CCDC110: variants seen among roughly 807,000 people sequenced by gnomAD.
CCDC110 encodes coiled-coil domain containing 110.
CCDC110 carries 70 observed loss-of-function variants against 77.1 expected under a neutral mutation model. The ratio of observed to expected loss-of-function variants is 0.91; its 90% CI spans 0.75 to 1.11. The LOEUF is 1.11. CCDC110 is among the 50% of genes least tolerant of loss of function. The probability of loss-of-function intolerance (pLI) is 0.00; values close to 1 mark genes in which losing one functional copy is unlikely to be tolerated. For missense variants in CCDC110, 868 were observed against 942.9 expected (o/e 0.92, Z 1.04); for synonymous variants, 295 against 312.5 (o/e 0.94, Z 0.59).
In CCDC110 at chr4:185,462,628, T is replaced by G. The variant is rs1217485701; in HGVS notation, c.237+15A>C. ...CAAGGTGAGATATTTCATATATAGA[T>G]CAAAAGAAACATACCATGCTGACAT... On this transcript the variant is annotated intron_variant, in intron 4 of 6. Coordinates refer to ENST00000307588, the MANE Select transcript of CCDC110 (RefSeq NM_152775.4). 6.2e-7 allele frequency: 1 copy of G among 1,601,584 alleles called. No homozygotes were observed. Among genetic ancestry groups the G allele is most frequent in the Non-Finnish European group, 8.6e-7 (1 of 1,168,610 alleles).
chr4:185,450,037 T>C (rs2095626428), intron 6 of CCDC110, among the ~76,000 whole-genome samples: 1 of 152,168 alleles, frequency 6.6e-6, no homozygotes, highest in African/African-American at 2.4e-5. Flanking sequence ...TATTGAAAAT[T>C]GGATTGATAG....
At chr4:185,445,622 G>A in intron 6 of CCDC110, 80 bp from the exon 7 acceptor site, 1 of 933,030 alleles carries the variant, frequency 1.1e-6, no homozygotes, top group South Asian at 1.7e-5. Context: ...TATTATCAAG[G>A]TATCTTAAAA....
intron 2 of CCDC110, among the ~76,000 whole-genome samples, chr4:185,469,680 G>C (rs1462947778): frequency 6.6e-6 from 1 of 152,220 alleles, no homozygotes; most frequent in Admixed American, 6.5e-5. Context: ...GCGGAGAGGG[G>C]ACTGGCCAGT....
intron 2 of CCDC110, among the ~76,000 whole-genome samples, chr4:185,463,692 C>G (rs922321828): frequency 2.0e-5 from 3 of 152,208 alleles, no homozygotes; most frequent in African/African-American, 7.2e-5. Flanking sequence ...GCTTCAGACT[C>G]AGTGTGTACT....
At chr4:185,471,592 C>T (rs750800040) in intron 1 of CCDC110, 82 bp downstream of exon 1, 42 of 1,458,768 alleles carry the variant, frequency 2.9e-5, no homozygotes, top group Non-Finnish European at 3.5e-5. Flanking sequence ...GGTTTTCGAG[C>T]GGGGAGCCGC....
In CCDC110 at chr4:185,459,637, GCCTCTAATT is replaced by G; in HGVS notation, c.941_949del (p.Glu314_Glu316del). 1 of 1,611,834 alleles carries G rather than the reference GCCTCTAATT, an allele frequency of 6.2e-7. No individual in the cohort carries two copies. Among genetic ancestry groups the G allele is most frequent in the South Asian group, 1.1e-5 (1 of 90,500 alleles). On this transcript the variant is annotated inframe_deletion, in exon 6 of 7. Coordinates refer to ENST00000307588, the MANE Select transcript of CCDC110 (RefSeq NM_152775.4). The stretch of plus-strand genomic sequence containing the variant: ...GAAGGGGAGTAATTTCTTCACTAAT[GCCTCTAATT>G]CTGAAATTCTCTTTGATTTTATATC...
chr4:185,449,637 C>G (rs1463619996), intron 6 of CCDC110: 1 of 1,537,504 alleles, frequency 6.5e-7, no homozygotes, highest in African/African-American at 1.4e-5. Context: ...TCAGTACCAT[C>G]CTATTAGCAA....
chr4:185,462,595 T>A lies in CCDC110; in HGVS notation c.237+48A>T, dbSNP rs376649744. On this transcript the variant is annotated intron_variant, in intron 4 of 6. Coordinates refer to ENST00000307588, the MANE Select transcript of CCDC110 (RefSeq NM_152775.4). ...GTGACCATCAGCTTAGAAGATGGGA[T>A]GATACTTCAAGGTGAGATATTTCAT... 35 of 1,413,106 alleles carry A rather than the reference T, an allele frequency of 2.5e-5. No individual in the cohort carries two copies. In the African/African-American group the frequency reaches 3.4e-4, roughly 14 times the overall value. 87.5% of individuals were successfully genotyped at this position (1,413,106 alleles called of 1,614,324 possible). A position where few individuals can be genotyped will look rare whatever the true frequency, so the allele number is the denominator to read the frequency against.
intron 6 of CCDC110, among the ~76,000 whole-genome samples, chr4:185,446,965 C>T (rs1421310963): frequency 6.6e-6 from 1 of 152,000 alleles, no homozygotes; most frequent in Non-Finnish European, 1.5e-5. Flanking sequence ...AATACATGTA[C>T]TTTCTTTTAA....
chr4:185,447,786 C>T (rs2153315445), intron 6 of CCDC110, among the ~76,000 whole-genome samples: 1 of 152,294 alleles, frequency 6.6e-6, no homozygotes, highest in South Asian at 2.1e-4. Flanking sequence ...ACCCCCCAAA[C>T]TCTAATACTA....
At chr4:185,449,633 C>G (rs1024402975) in intron 6 of CCDC110, 12 of 1,539,614 alleles carry the variant, frequency 7.8e-6, no homozygotes, top group Non-Finnish European at 1.1e-5. Context: ...TTCTTCAGTA[C>G]CATCCTATTA....
Position 185,471,697 on chromosome 4 carries a change from C to T in CCDC110, c.-14G>A. The T allele has an allele frequency of 6.5e-7, 1 of 1,544,098 alleles. No individual in the cohort carries two copies. The highest frequency in any genetic ancestry group is 1.2e-5 in the South Asian group (1 of 81,982). On this transcript the variant is annotated 5_prime_UTR_variant, in exon 1 of 7. Coordinates refer to ENST00000307588, the MANE Select transcript of CCDC110 (RefSeq NM_152775.4). The stretch of plus-strand genomic sequence containing the variant: ...ACCCGGGCTCATCGCCGCGGCTCAT[C>T]TCTCTCGCAACCGCCGCCGCACGCA...
At chr4:185,467,828 T>A (rs947576145) in intron 2 of CCDC110, among the ~76,000 whole-genome samples, 1 of 152,170 alleles carries the variant, frequency 6.6e-6, no homozygotes, top group African/African-American at 2.4e-5. Flanking sequence ...GCTTTGTAAT[T>A]CTTAGTTTCT....
chr4:185,445,880 T>C (rs1033200141), intron 6 of CCDC110, among the ~76,000 whole-genome samples: 3 of 152,154 alleles, frequency 2.0e-5, no homozygotes, highest in African/African-American at 7.2e-5. Context: ...TCGCTCTTAT[T>C]GCCCAGGCTG....
chr4:185,449,684 G>C, intron 6 of CCDC110: 1 of 1,345,352 alleles, frequency 7.4e-7, no homozygotes, highest in Non-Finnish European at 1.0e-6. Context: ...TTAACTATGA[G>C]TAATTCACTA....
At chr4:185,467,413 T>C (rs7661801) in intron 2 of CCDC110, among the ~76,000 whole-genome samples, 60,779 of 152,074 alleles carry the variant, frequency 0.4, 12,653 homozygotes, top group African/African-American at 0.51. Context: ...ATTCTAGAAT[T>C]GGAAGGGAAA....
intron 2 of CCDC110, chr4:185,470,563 A>G (rs2095664117): frequency 2.4e-6 from 1 of 420,848 alleles, no homozygotes; most frequent in African/African-American, 2.0e-5. Flanking sequence ...GTGTCCAAAA[A>G]ACTCAACAAT....
intron 6 of CCDC110, among the ~76,000 whole-genome samples, chr4:185,446,199 C>G (rs2095610729): frequency 6.6e-6 from 1 of 152,172 alleles, no homozygotes; most frequent in African/African-American, 2.4e-5. Flanking sequence ...TATTTATCAG[C>G]AGAACTAATC....
intron 6 of CCDC110, among the ~76,000 whole-genome samples, chr4:185,453,075 C>T (rs934914558): frequency 6.6e-6 from 1 of 151,946 alleles, no homozygotes; most frequent in Non-Finnish European, 1.5e-5. Context: ...AAATATATAT[C>T]GGTCTATTAA....
Sources: allele counts gnomAD v4.1 joint callset (sites outside exome capture counted in the v4.1 genomes callset), GRCh38; gene constraint gnomAD v4.1.1; transcripts MANE v1.5; gene names NCBI Gene and HGNC (gene_info 2026-07-23, HGNC 2026-07-21).